PTPRT: variants seen among roughly 807,000 people sequenced by gnomAD.
The protein encoded by PTPRT is protein tyrosine phosphatase receptor type T, also known as receptor-type tyrosine-protein phosphatase T.
Under a neutral mutation model 176.8 loss-of-function variants are expected in PTPRT, and 56 were observed. The observed-to-expected ratio is 0.32, with a 90% CI of 0.26 to 0.40. The LOEUF (loss-of-function observed/expected upper bound fraction) is 0.40, where lower values mean the gene tolerates loss of function less well. Among genes scored for constraint, PTPRT ranks in the 10% least tolerant of loss-of-function variants. PTPRT has a pLI of 1.00. For synonymous variants in PTPRT, 783 were observed against 739.0 expected, an observed-to-expected ratio of 1.06 and a Z score of -0.96; for missense variants, 1,540 against 1,908.2, an observed-to-expected ratio of 0.81 and a Z score of 3.60.
the PTPRT span, among the ~76,000 whole-genome samples, chr20:42,059,763 C>T: frequency 1.3e-5 from 2 of 152,168 alleles, no homozygotes; most frequent in African/African-American, 4.8e-5. Context: ...CATTTTCAAA[C>T]TGTAACTATG....
intron 2 of PTPRT, among the ~76,000 whole-genome samples, chr20:42,853,740 A>G (rs60687414): frequency 0.03 from 4,623 of 152,302 alleles, 209 homozygotes; most frequent in African/African-American, 0.092. Context: ...CAGATATCTG[A>G]GCATCCCTTA....
intron 1 of PTPRT, among the ~76,000 whole-genome samples, chr20:43,149,861 G>A (rs547360510): frequency 6.6e-6 from 1 of 152,158 alleles, no homozygotes; most frequent in Admixed American, 6.5e-5. Flanking sequence ...CTTTTTGGAA[G>A]GTAAAATGGC....
chr20:42,060,889 A>C, the PTPRT span, among the ~76,000 whole-genome samples: 1 of 152,176 alleles, frequency 6.6e-6, no homozygotes, highest in East Asian at 1.9e-4. Flanking sequence ...ATTTGTGAGA[A>C]CCAGCATGTG....
intron 12 of PTPRT, among the ~76,000 whole-genome samples, chr20:42,312,360 GCTTAACATCATTGT>G (rs1234521838): frequency 2.0e-5 from 3 of 152,234 alleles, no homozygotes; most frequent in Non-Finnish European, 2.9e-5. Flanking sequence ...AATCCTCCAG[GCTTAACATCATTGT>G]CTGCTGCCCT....
At chr20:43,019,674 T>C (rs1482898803) in intron 1 of PTPRT, among the ~76,000 whole-genome samples, 2 of 150,698 alleles carry the variant, frequency 1.3e-5, no homozygotes, top group Admixed American at 1.3e-4. Flanking sequence ...TGTGAGAATA[T>C]TTCCAGGAGA....
intron 2 of PTPRT, among the ~76,000 whole-genome samples, chr20:42,857,121 C>T (rs879598397): frequency 6.6e-6 from 1 of 152,212 alleles, no homozygotes; most frequent in Non-Finnish European, 1.5e-5. Flanking sequence ...CGGCAATGTA[C>T]AAGGTTCTAA....
intron 2 of PTPRT, among the ~76,000 whole-genome samples, chr20:42,856,383 T>C (rs762063044): frequency 5.9e-5 from 9 of 152,170 alleles, no homozygotes; most frequent in Non-Finnish European, 1.0e-4. Flanking sequence ...AAAGGAAGAT[T>C]GTGTGTCCCC....
chr20:42,911,499 A>G (rs1427666701), intron 1 of PTPRT, among the ~76,000 whole-genome samples: 2 of 152,210 alleles, frequency 1.3e-5, no homozygotes, highest in East Asian at 3.8e-4. Context: ...GCCTACTGGC[A>G]CCAGTGCATT....
chr20:42,865,620 A>G (rs2078733214), intron 2 of PTPRT, among the ~76,000 whole-genome samples: 1 of 152,184 alleles, frequency 6.6e-6, no homozygotes, highest in South Asian at 2.1e-4. Context: ...GACCTGGGAC[A>G]GGGGCTGGAA....
chr20:42,097,111 A>G (rs956031133), intron 27 of PTPRT, among the ~76,000 whole-genome samples: 1 of 152,170 alleles, frequency 6.6e-6, no homozygotes, highest in Non-Finnish European at 1.5e-5. Flanking sequence ...CCTATTTCAT[A>G]CATTGGGCTT....
chr20:42,037,829 A>C, the PTPRT span, among the ~76,000 whole-genome samples: 1 of 152,158 alleles, frequency 6.6e-6, no homozygotes, highest in Non-Finnish European at 1.5e-5. Context: ...TGTTGGAGGA[A>C]GGTTGAGATG....
chr20:42,731,720 T>C (rs1277920487), intron 6 of PTPRT, among the ~76,000 whole-genome samples: 1 of 152,180 alleles, frequency 6.6e-6, no homozygotes, highest in Non-Finnish European at 1.5e-5. Context: ...CCCTGTGGCC[T>C]CTAAGGTCTT....
chr20:43,148,255 G>T (rs2146414767), intron 1 of PTPRT, among the ~76,000 whole-genome samples: 1 of 152,192 alleles, frequency 6.6e-6, no homozygotes. Flanking sequence ...CACTGTCCTA[G>T]CACATTTGTC....
intron 1 of PTPRT, among the ~76,000 whole-genome samples, chr20:42,958,161 A>C (rs945012095): frequency 3.7e-5 from 3 of 80,038 alleles, no homozygotes; most frequent in Non-Finnish European, 7.0e-5. Context: ...CAGGTTAGGA[A>C]GGAGAGATAG....
In PTPRT at chr20:42,695,078, T is replaced by C. The variant is rs958573903; in HGVS notation, c.860-16919A>G. 2.6e-5 allele frequency among the ~76,000 whole-genome samples: 4 copies of C among 152,186 alleles called. No homozygotes were observed. In the East Asian group the frequency reaches 7.7e-4, roughly 29 times the overall value. On this transcript the variant is annotated intron_variant, in intron 6 of 30. Transcript: ENST00000373187. ...ATCATATCTTTTGCAAATTTTCTAATTGTTTTGTCATTGAGTTTTAAGAAT... is the reference window on the plus strand; with the variant it reads ...ATCATATCTTTTGCAAATTTTCTAACTGTTTTGTCATTGAGTTTTAAGAAT...
chr20:42,663,871 T>C (rs2075268600), intron 7 of PTPRT, among the ~76,000 whole-genome samples: 1 of 152,196 alleles, frequency 6.6e-6, no homozygotes, highest in African/African-American at 2.4e-5. Flanking sequence ...TACTCTCCAA[T>C]CGTTGGTGCA....
chr20:43,104,976 T>C (rs1188947768), intron 1 of PTPRT, among the ~76,000 whole-genome samples: 2 of 152,148 alleles, frequency 1.3e-5, no homozygotes, highest in African/African-American at 4.8e-5. Context: ...CGGGTCAATC[T>C]GGGGTACAAA....
At chr20:42,519,097 C>T (rs990466774) in intron 7 of PTPRT, among the ~76,000 whole-genome samples, 14 of 152,262 alleles carry the variant, frequency 9.2e-5, no homozygotes, top group African/African-American at 3.4e-4. Flanking sequence ...AAGGCTCCCT[C>T]ATGCTGCCCT....
At chr20:42,886,068 TATAA>T in intron 1 of PTPRT, 136 bp from the exon 2 acceptor site, 1 of 399,206 alleles carries the variant, frequency 2.5e-6, no homozygotes, top group Non-Finnish European at 3.6e-6. Context: ...TATATATATA[TATAA>T]AAGATGAGCA....
Sources: gnomAD v4.1 joint callset for allele counts (sites outside exome capture counted in the v4.1 genomes callset) on GRCh38, gnomAD v4.1.1 for gene constraint, MANE v1.5 for transcripts, NCBI Gene and HGNC (gene_info 2026-07-23, HGNC 2026-07-21) for gene names.